The following DGKI variants were observed in gnomAD, a reference collection of about 807,000 sequenced individuals.
The protein encoded by DGKI is diacylglycerol kinase iota.
Under a neutral mutation model 147.5 loss-of-function variants are expected in DGKI, and 55 were observed. The ratio of observed to expected loss-of-function variants is 0.37; its 90% CI spans 0.30 to 0.47. The LOEUF is 0.47. DGKI is among the 20% of genes least tolerant of loss of function. DGKI has a pLI of 1.00. For missense variants in DGKI, 1,007 were observed against 1,323.8 expected (o/e 0.76, Z 3.71); for synonymous variants, 469 against 477.1 (o/e 0.98, Z 0.22).
intron 10 of DGKI, among the ~76,000 whole-genome samples, chr7:137,606,203 T>C (rs1324217172): frequency 6.6e-6 from 1 of 152,168 alleles, no homozygotes; most frequent in African/African-American, 2.4e-5. Context: ...AAAATGTTTT[T>C]CTTACACAAG....
chr7:137,469,428 G>A, intron 24 of DGKI, 122 bp downstream of exon 24: 2 of 915,382 alleles, frequency 2.2e-6, no homozygotes, highest in East Asian at 2.5e-5. Flanking sequence ...TACCAGCCAT[G>A]TGGAGTCACA....
At chr7:137,842,539 A>G (rs1308709808) in intron 1 of DGKI, among the ~76,000 whole-genome samples, 2 of 152,230 alleles carry the variant, frequency 1.3e-5, no homozygotes, top group Non-Finnish European at 2.9e-5. Flanking sequence ...TGGTCTGCCC[A>G]GACATACTGA....
At chr7:137,663,865 G>A (rs1433144014) in intron 3 of DGKI, among the ~76,000 whole-genome samples, 2 of 152,248 alleles carry the variant, frequency 1.3e-5, no homozygotes, top group South Asian at 4.2e-4. Context: ...TGAAAGGAAA[G>A]GGGGAGGGAA....
chr7:137,619,710 G>A, intron 8 of DGKI, 114 bp downstream of exon 8: 1 of 760,348 alleles, frequency 1.3e-6, no homozygotes, highest in Non-Finnish European at 2.3e-6. Context: ...AGGGCCTTGG[G>A]GATGAGTGAA....
At chr7:137,821,242 A>G (rs1204982593) in intron 1 of DGKI, among the ~76,000 whole-genome samples, 4 of 152,224 alleles carry the variant, frequency 2.6e-5, no homozygotes, top group African/African-American at 9.6e-5. Flanking sequence ...AATCAAAGGG[A>G]TATTTTGAAA....
At chr7:137,480,049 G>C (rs1815318549) in intron 23 of DGKI, among the ~76,000 whole-genome samples, 1 of 152,056 alleles carries the variant, frequency 6.6e-6, no homozygotes. Context: ...TGAAGACAGT[G>C]GGGTAGAAGA....
At position 137,775,418 on chromosome 7, in the gene DGKI, CCT is replaced by C. The variant is rs1448312045; in HGVS notation, c.401+71042_401+71043del. On this transcript the variant is annotated intron_variant, in intron 1 of 32. Transcript: ENST00000614521. ...TCTACCAAGGTACCTCTGCCATTCC[CCT>C]GTCTTGTCTACCTGAGGGTATGTGG... is the stretch of plus-strand genomic sequence containing the variant. Among the ~76,000 whole-genome samples the C allele has an allele frequency of 4.6e-5, 7 of 152,196 alleles. 1 individual carries two copies. Among genetic ancestry groups the C allele is most frequent in the Admixed American group, 1.3e-4 (2 of 15,284 alleles).
intron 22 of DGKI, among the ~76,000 whole-genome samples, chr7:137,485,862 T>A (rs1019003550): frequency 6.6e-6 from 1 of 152,154 alleles, no homozygotes; most frequent in African/African-American, 2.4e-5. Context: ...GGTAACTGTT[T>A]ATACTGATAA....
At position 137,593,751 on chromosome 7, in the gene DGKI, A is replaced by G. The variant is rs527600954; in HGVS notation, c.1311+4096T>C. ...ATATTGAAATGATACTATTTTAGAT[A>G]AATAAAATATATTATAAACTAATTT... is the stretch of plus-strand genomic sequence containing the variant. On this transcript the variant is annotated intron_variant, in intron 12 of 32. Transcript: ENST00000614521. Among the ~76,000 whole-genome samples the G allele has an allele frequency of 9.2e-5, 14 of 152,374 alleles. No individual in the cohort carries two copies. In the South Asian group the frequency reaches 2.7e-3, roughly 29 times the overall value.
intron 30 of DGKI, among the ~76,000 whole-genome samples, chr7:137,399,633 G>A (rs1585076600): frequency 6.6e-6 from 1 of 152,200 alleles, no homozygotes; most frequent in Non-Finnish European, 1.5e-5. Context: ...AAGAGGGCTG[G>A]GCATGGTGGC....
intron 20 of DGKI, among the ~76,000 whole-genome samples, chr7:137,539,968 T>C (rs1186172929): frequency 6.6e-6 from 1 of 152,184 alleles, no homozygotes; most frequent in Non-Finnish European, 1.5e-5. Context: ...TCTACATACA[T>C]TAGTTAACAT....
chr7:137,841,626 A>T, intron 1 of DGKI, among the ~76,000 whole-genome samples: 1 of 152,150 alleles, frequency 6.6e-6, no homozygotes. Context: ...TGTAGGCAAT[A>T]GTTCTTCCAG....
At chr7:137,588,123 T>C (rs986446506) in intron 12 of DGKI, among the ~76,000 whole-genome samples, 1 of 152,142 alleles carries the variant, frequency 6.6e-6, no homozygotes, top group Non-Finnish European at 1.5e-5. Flanking sequence ...TGCTTTAAAG[T>C]TTATAGTTTT....
chr7:137,453,424 C>A (rs1016441467), intron 27 of DGKI, among the ~76,000 whole-genome samples: 4 of 152,158 alleles, frequency 2.6e-5, no homozygotes, highest in Non-Finnish European at 4.4e-5. Flanking sequence ...CCAGAAATCC[C>A]ACAGCACTGC....
intron 6 of DGKI, among the ~76,000 whole-genome samples, chr7:137,624,657 T>C (rs554553829): frequency 6.6e-6 from 1 of 152,044 alleles, no homozygotes; most frequent in East Asian, 1.9e-4. Flanking sequence ...CAGGCTGGAG[T>C]GCAGTGACCC....
At chr7:137,391,358 A>T (rs141718521) in intron 32 of DGKI, 22 bp from the exon 33 acceptor site, 2 of 1,477,546 alleles carry the variant, frequency 1.4e-6, no homozygotes, top group Non-Finnish European at 1.8e-6. Flanking sequence ...TAGTGAGAAA[A>T]AAAAAAAGAG....
chr7:137,475,629 T>C (rs1815143680), intron 23 of DGKI, among the ~76,000 whole-genome samples: 1 of 152,186 alleles, frequency 6.6e-6, no homozygotes, highest in East Asian at 1.9e-4. Flanking sequence ...GCCAATGAAA[T>C]GCAAGGCATG....
At chr7:137,607,244 A>C (rs1820213098) in intron 10 of DGKI, among the ~76,000 whole-genome samples, 1 of 152,338 alleles carries the variant, frequency 6.6e-6, no homozygotes, top group African/African-American at 2.4e-5. Context: ...CCTCTGAAAT[A>C]TCATAGCACT....
At chr7:137,712,268 A>G (rs1276176935) in intron 1 of DGKI, among the ~76,000 whole-genome samples, 1 of 152,148 alleles carries the variant, frequency 6.6e-6, no homozygotes, top group Non-Finnish European at 1.5e-5. Context: ...GAATACTCAG[A>G]TATTTGTTGG....
Sources: allele counts gnomAD v4.1 joint callset (sites outside exome capture counted in the v4.1 genomes callset), GRCh38; gene constraint gnomAD v4.1.1; transcripts MANE v1.5; gene names NCBI Gene and HGNC (gene_info 2026-07-23, HGNC 2026-07-21).